FAM76A: variants seen among roughly 807,000 people sequenced by gnomAD.
FAM76A encodes protein FAM76A.
Under a neutral mutation model 46.2 loss-of-function variants are expected in FAM76A, and 32 were observed. That is an observed-to-expected ratio of 0.69 (90% CI 0.52 to 0.93). The LOEUF (loss-of-function observed/expected upper bound fraction) is 0.93. FAM76A is among the 40% of genes least tolerant of loss of function. The pLI is 0.00. For missense variants in FAM76A, 274 were observed against 361.5 expected (o/e 0.76, Z 1.96); for synonymous variants, 137 against 127.0 (o/e 1.08, Z -0.53).
At position 27,762,891 on chromosome 1, in the gene FAM76A, T is replaced by C. The variant is rs1013576824; in HGVS notation, c.*2310T>C. On this transcript the variant is annotated 3_prime_UTR_variant, in exon 9 of 9. Coordinates refer to ENST00000373954, the MANE Select transcript of FAM76A (RefSeq NM_152660.3). ...TAATATAAAGCAAATTCACACGTTT[T>C]CTAACTTTCCATAAGTTCCAAAAAG... 1 of 152,204 alleles carries C rather than the reference T, an allele frequency of 6.6e-6. No homozygotes were observed. The highest frequency in any genetic ancestry group is 1.5e-5 in the Non-Finnish European group (1 of 68,046). The allele number at this position is 152,204 out of a possible 1,614,324, so 9.4% of individuals were successfully genotyped here. A position where few individuals can be genotyped will look rare whatever the true frequency, so the allele number is the denominator to read the frequency against.
chr1:27,727,429 A>G (rs780024430), intron 1 of FAM76A, 43 bp from the exon 2 acceptor site: 1 of 1,574,102 alleles, frequency 6.4e-7, no homozygotes, highest in Non-Finnish European at 8.7e-7. Flanking sequence ...GGCTGTTTCC[A>G]TTTGTGACTG....
chr1:27,731,172 A>G (rs1383245018), intron 2 of FAM76A, among the ~76,000 whole-genome samples: 1 of 148,202 alleles, frequency 6.7e-6, no homozygotes, highest in African/African-American at 2.5e-5. Context: ...TATTTTTGTC[A>G]GTGCTTAACT....
intron 7 of FAM76A, 57 bp from the exon 8 acceptor site, chr1:27,759,469 C>T: frequency 2.3e-6 from 3 of 1,286,460 alleles, no homozygotes; most frequent in Non-Finnish European, 1.1e-6. Context: ...TCTCTGAAAG[C>T]AATTTTTTTT....
chr1:27,726,301 G>T, intron 1 of FAM76A, 140 bp downstream of exon 1: 1 of 733,128 alleles, frequency 1.4e-6, no homozygotes, highest in Non-Finnish European at 1.9e-6. Context: ...CACCCACCCC[G>T]CTGGGGGCCG....
chr1:27,738,128 G>A (rs535238018), intron 4 of FAM76A, among the ~76,000 whole-genome samples: 183 of 152,154 alleles, frequency 1.2e-3, no homozygotes, highest in Non-Finnish European at 2.1e-3. Context: ...TAGAGGCTGA[G>A]GTGGGAGGAT....
chr1:27,754,550 T>G (rs949447914), intron 6 of FAM76A, among the ~76,000 whole-genome samples: 2 of 152,216 alleles, frequency 1.3e-5, no homozygotes, highest in Non-Finnish European at 2.9e-5. Flanking sequence ...TTGCCACCTC[T>G]TTGTTCCGTT....
intron 4 of FAM76A, among the ~76,000 whole-genome samples, chr1:27,741,440 G>A (rs1397524707): frequency 2.0e-5 from 3 of 152,038 alleles, no homozygotes; most frequent in Admixed American, 6.6e-5. Context: ...GATTACAGGT[G>A]TGAGCCACTG....
chr1:27,753,555 C>T (rs2088363702), intron 6 of FAM76A, among the ~76,000 whole-genome samples: 1 of 152,206 alleles, frequency 6.6e-6, no homozygotes, highest in Non-Finnish European at 1.5e-5. Context: ...GTAATTCCAT[C>T]CATTCATTAG....
Position 27,732,624 on chromosome 1 carries a change from G to A in FAM76A, c.168G>A (p.Lys56=), listed in dbSNP as rs979385134. 1.2e-6 allele frequency: 2 copies of A among 1,609,418 alleles called. No homozygotes were observed. Among genetic ancestry groups the A allele is most frequent in the Non-Finnish European group, 1.7e-6 (2 of 1,176,504 alleles). Residue 56 remains lysine, a synonymous_variant, in exon 3 of 9, where the codon AAG becomes AAA. Coordinates refer to ENST00000373954, the MANE Select transcript of FAM76A (RefSeq NM_152660.3). ...ACAGTAAAACCAATACAATATGCAA[G>A]AAATGTGCTCAGAACGTGCAGTTGT... ...QQESKTNTIC[K]KCAQNVQLYG...
intron 5 of FAM76A, among the ~76,000 whole-genome samples, chr1:27,747,840 A>G (rs1244520095): frequency 1.3e-5 from 2 of 152,070 alleles, no homozygotes; most frequent in African/African-American, 4.8e-5. Context: ...GGATCACTTG[A>G]AGCCAGGAGG....
intron 5 of FAM76A, among the ~76,000 whole-genome samples, chr1:27,747,428 CAAGT>C (rs1284992200): frequency 2.6e-5 from 4 of 152,086 alleles, no homozygotes; most frequent in Admixed American, 1.3e-4. Flanking sequence ...GAAGAGAGGT[CAAGT>C]AAGAAAAGGT....
intron 4 of FAM76A, among the ~76,000 whole-genome samples, chr1:27,737,333 T>C (rs1349505903): frequency 6.6e-6 from 1 of 152,144 alleles, no homozygotes; most frequent in Non-Finnish European, 1.5e-5. Context: ...TTATATTCAT[T>C]GTTTGTTCTC....
chr1:27,746,523 C>T (rs773703253), intron 5 of FAM76A, among the ~76,000 whole-genome samples: 2 of 152,058 alleles, frequency 1.3e-5, no homozygotes, highest in Non-Finnish European at 1.5e-5. Context: ...GAGTTCGAGA[C>T]CAGCCTGACC....
intron 2 of FAM76A, among the ~76,000 whole-genome samples, chr1:27,732,256 C>T (rs1383910918): frequency 6.6e-6 from 1 of 152,104 alleles, no homozygotes; most frequent in Non-Finnish European, 1.5e-5. Flanking sequence ...ATGGCGAAAC[C>T]TTGTCTCTAT....
At chr1:27,726,816 C>A (rs1385127316) in intron 1 of FAM76A, among the ~76,000 whole-genome samples, 1 of 152,132 alleles carries the variant, frequency 6.6e-6, no homozygotes, top group African/African-American at 2.4e-5. Flanking sequence ...GAAGGTCCAA[C>A]TTCTCTTTTT....
In FAM76A at chr1:27,760,965, GT is replaced by G. The variant is rs2088500664; in HGVS notation, c.*385del. The G allele has an allele frequency of 1.6e-5, 1 of 64,204 alleles. No individual in the cohort carries two copies. Among genetic ancestry groups the G allele is most frequent in the African/African-American group, 8.1e-5 (1 of 12,370 alleles). 4.0% of individuals were successfully genotyped at this position (64,204 alleles called of 1,614,324 possible). A position where few individuals can be genotyped will look rare whatever the true frequency, so the allele number is the denominator to read the frequency against. On this transcript the variant is annotated 3_prime_UTR_variant, in exon 9 of 9. Transcript: ENST00000373954. ...TTTTTTGTTTTTTTTTTTTTTTTTGGTCCTTCATTGCATCCTGCCATACCCA... is the reference window on the plus strand; with the variant it reads ...TTTTTTGTTTTTTTTTTTTTTTTTGGCCTTCATTGCATCCTGCCATACCCA...
intron 8 of FAM76A, chr1:27,760,274 C>T (rs1479664436): frequency 2.4e-6 from 1 of 421,502 alleles, no homozygotes; most frequent in African/African-American, 2.0e-5. Flanking sequence ...AACAGTGGGT[C>T]CCAAGAGATT....
At position 27,749,795 on chromosome 1, in the gene FAM76A, G is replaced by A. The variant is rs77403843; in HGVS notation, c.599+641G>A. 3.1e-3 allele frequency among the ~76,000 whole-genome samples: 470 copies of A among 152,284 alleles called. 2 individuals are homozygous for A. The highest frequency in any genetic ancestry group is 0.011 in the African/African-American group (443 of 41,554). On this transcript the variant is annotated intron_variant, in intron 6 of 8. Transcript: ENST00000373954. The stretch of plus-strand genomic sequence containing the variant: ...ATTAAGGCAATGTTGCCAAATTTGT[G>A]AGGATCCACACTTCCTTAACATTCA...
chr1:27,737,331 A>G (rs1329252747), intron 4 of FAM76A, among the ~76,000 whole-genome samples: 3 of 152,106 alleles, frequency 2.0e-5, no homozygotes, highest in African/African-American at 7.2e-5. Flanking sequence ...TTTTATATTC[A>G]TTGTTTGTTC....
Sources: allele counts gnomAD v4.1 joint callset (sites outside exome capture counted in the v4.1 genomes callset), GRCh38; gene constraint gnomAD v4.1.1; transcripts MANE v1.5; gene names NCBI Gene and HGNC (gene_info 2026-07-23, HGNC 2026-07-21).